The following ADSL variants were observed in gnomAD, a reference collection of about 807,000 sequenced individuals.
ADSL encodes adenylosuccinase.
ADSL carries 44 observed loss-of-function variants against 62.1 expected under a neutral mutation model. The ratio of observed to expected loss-of-function variants is 0.71; its 90% CI spans 0.56 to 0.91. The LOEUF (loss-of-function observed/expected upper bound fraction) is 0.91. Ranked by LOEUF, ADSL falls within the 40% of genes least tolerant of loss-of-function variation. The pLI is 0.00. For synonymous variants in ADSL, 198 were observed against 220.5 expected (o/e 0.90, Z 0.90); for missense variants, 531 against 627.4 (o/e 0.85, Z 1.64).
intron 3 of ADSL, chr22:40,353,384 C>T (rs749503553): frequency 2.8e-6 from 2 of 702,490 alleles, no homozygotes; most frequent in South Asian, 3.0e-5. Flanking sequence ...CCTCCGCCTC[C>T]CAGGCTCAGA....
chr22:40,374,187 C>T (rs1029447954), downstream of ADSL, among the ~76,000 whole-genome samples: 1 of 151,994 alleles, frequency 6.6e-6, no homozygotes, highest in East Asian at 1.9e-4. Context: ...GATCTGACCT[C>T]GTGATCCGCC....
chr22:40,354,176 A>G (rs1601565493), intron 3 of ADSL, 72 bp from the exon 4 acceptor site: 2 of 1,274,022 alleles, frequency 1.6e-6, no homozygotes, highest in East Asian at 4.6e-5. Context: ...ATTATCTGAA[A>G]GTTTTGTTCC....
intron 12 of ADSL, 127 bp downstream of exon 12, chr22:40,365,183 C>T: frequency 9.6e-7 from 1 of 1,039,806 alleles, no homozygotes; most frequent in African/African-American, 1.6e-5. Context: ...AGGTTGCTGG[C>T]TAAAACTTAG....
At position 40,349,951 on chromosome 22, in the gene ADSL, C is replaced by A. The variant is rs148303726; in HGVS notation, c.273C>A (p.His91Gln). Reference protein sequence around the residue: ...EKRLRHDVMAHVHTFGHCCPK... With the variant: ...EKRLRHDVMAQVHTFGHCCPK... Reference sequence around the variant, plus strand: ...GTTTACGACATGATGTGATGGCTCACGTGCACACATTTGGCCACTGCTGTC... The same window carrying A: ...GTTTACGACATGATGTGATGGCTCAAGTGCACACATTTGGCCACTGCTGTC... The change falls in exon 2 of 13, where the codon CAC (histidine) becomes CAA (glutamine). Residue 91 changes from histidine to glutamine, a missense_variant. His to Gln is a conservative substitution (Grantham distance 24). Coordinates refer to ENST00000623063, the MANE Select transcript of ADSL (RefSeq NM_000026.4). The A allele has an allele frequency of 6.2e-7, 1 of 1,614,002 alleles. No individual in the cohort carries two copies. Among genetic ancestry groups the A allele is most frequent in the Non-Finnish European group, 8.5e-7 (1 of 1,180,026 alleles).
At chr22:40,385,950 C>G (rs2048349951) in intron 2 of ADSL, among the ~76,000 whole-genome samples, 1 of 152,092 alleles carries the variant, frequency 6.6e-6, no homozygotes, top group Admixed American at 6.5e-5. Context: ...CTCCCGGGCC[C>G]AGGCGATTCT....
intron 2 of ADSL, among the ~76,000 whole-genome samples, chr22:40,377,131 C>T (rs999198409): frequency 1.3e-5 from 2 of 152,226 alleles, no homozygotes; most frequent in African/African-American, 4.8e-5. Context: ...GCCTGTCCAG[C>T]ATCCAATCCA....
At chr22:40,353,451 C>A in intron 3 of ADSL, 1 of 699,898 alleles carries the variant, frequency 1.4e-6, no homozygotes, top group Admixed American at 2.0e-5. Flanking sequence ...TGCCACCTCA[C>A]CTGGCTAATT....
rs1294082345 is a variant in ADSL at position 40,363,762 on chromosome 22, A to G, written c.1102-514A>G. On this transcript the variant is annotated intron_variant, in intron 10 of 12. Transcript: ENST00000623063. ...AAAAAAAAAAAAAAAACCTCTTCCTATGTGGCAACTTTTTTTAAGTTAATA... is the reference window on the plus strand; with the variant it reads ...AAAAAAAAAAAAAAAACCTCTTCCTGTGTGGCAACTTTTTTTAAGTTAATA... 2.0e-5 allele frequency among the ~76,000 whole-genome samples: 3 copies of G among 151,008 alleles called. 1 individual carries two copies. The highest frequency in any genetic ancestry group is 4.2e-4 in the South Asian group (2 of 4,782).
At chr22:40,374,317 C>G (rs1015025435), downstream of ADSL, among the ~76,000 whole-genome samples, 1 of 152,200 alleles carries the variant, frequency 6.6e-6, no homozygotes, top group African/African-American at 2.4e-5. Context: ...TGTCACTGGA[C>G]TGCCACCAGA....
chr22:40,372,111 G>GT (rs1330724842), downstream of ADSL, among the ~76,000 whole-genome samples: 1 of 117,674 alleles, frequency 8.5e-6, no homozygotes, highest in Non-Finnish European at 1.7e-5. Flanking sequence ...TCTTCTCCCT[G>GT]TCCCCCCCCC....
At chr22:40,348,498 C>G (rs1353517032) in intron 1 of ADSL, 3 of 398,552 alleles carry the variant, frequency 7.5e-6, no homozygotes, top group Admixed American at 4.4e-5. Flanking sequence ...GTCCTCTCAC[C>G]TCAGCCTCCC....
chr22:40,366,118 G>A (rs1459581785), intron 12 of ADSL, among the ~76,000 whole-genome samples: 1 of 152,040 alleles, frequency 6.6e-6, no homozygotes, highest in Non-Finnish European at 1.5e-5. Context: ...TAAGCTCTTG[G>A]TGGCTACTTG....
chr22:40,370,063 G>GGCGC (rs1388246629), downstream of ADSL, among the ~76,000 whole-genome samples: 1 of 152,188 alleles, frequency 6.6e-6, no homozygotes, highest in Non-Finnish European at 1.5e-5. Context: ...TTTCCGGCCT[G>GGCGC]GCGCGGTGGC....
chr22:40,380,381 T>TC (rs59027234), intron 2 of ADSL, among the ~76,000 whole-genome samples: 1 of 151,240 alleles, frequency 6.6e-6, no homozygotes, highest in Non-Finnish European at 1.5e-5. Flanking sequence ...TTTTTTTTTT[T>TC]CCTGAGACAG....
At chr22:40,358,409 C>G (rs373128640) in intron 4 of ADSL, among the ~76,000 whole-genome samples, 17 of 152,108 alleles carry the variant, frequency 1.1e-4, no homozygotes, top group African/African-American at 3.6e-4. Context: ...CAAAGTGAGA[C>G]CCCGTCACTA....
rs537004442 is a variant in ADSL, at chr22:40,383,136, T to C, written c.90-7094T>C. The stretch of plus-strand genomic sequence containing the variant: ...TTCAGCCCTTGAAGAGCTTTCAGTT[T>C]ATAGATAAGGCACCTACACTAGTAA... On this transcript the variant is annotated intron_variant, in intron 2 of 2. Coordinates refer to the ADSL transcript ENST00000498234. 6.3e-4 allele frequency among the ~76,000 whole-genome samples: 96 copies of C among 152,242 alleles called. 1 individual carries two copies. In the South Asian group the frequency reaches 0.013, roughly 20 times the overall value.
At position 40,367,588 on chromosome 22, in the gene ADSL, C is replaced by G. The variant is rs1410855317; in HGVS notation, c.*1066C>G. 1 of 167,360 alleles carries G rather than the reference C, an allele frequency of 6.0e-6. No homozygotes were observed. Among genetic ancestry groups the G allele is most frequent in the Non-Finnish European group, 1.5e-5 (1 of 68,182 alleles). 10.4% of individuals were successfully genotyped at this position (167,360 alleles called of 1,614,324 possible). A position where few individuals can be genotyped will look rare whatever the true frequency, so the allele number is the denominator to read the frequency against. On this transcript the variant is annotated 3_prime_UTR_variant, in exon 13 of 13. Transcript: ENST00000623063. ...GTCTTCCAGCTTCTGCCACTGCGCC[C>G]GACTTCCTTGTTGCATGGATTTATA... is the stretch of plus-strand genomic sequence containing the variant.
intron 4 of ADSL, among the ~76,000 whole-genome samples, chr22:40,357,007 C>T (rs1170285836): frequency 6.6e-6 from 1 of 151,930 alleles, no homozygotes; most frequent in African/African-American, 2.4e-5. Context: ...GTGATTCTCC[C>T]ACCTCAGCCT....
At position 40,346,607 on chromosome 22, in the gene ADSL, C is replaced by G; in HGVS notation, c.49C>G (p.Leu17Val). The change falls in exon 1 of 13, where the codon CTT becomes GTT. Residue 17 changes from leucine (L) to valine (V), a missense_variant. Leu to Val is a conservative substitution (Grantham distance 32). Around this residue, in one of 2 missense-constraint regions of ADSL, gnomAD observed 60 missense variants for 34.5 expected, o/e 1.74. Transcript: ENST00000623063. Reference sequence around the variant, plus strand: ...TTCGCCCGACAGCTACCGCTCACCTCTTGCCTCCCGCTATGCCAGCCCGGA... The same window carrying G: ...TTCGCCCGACAGCTACCGCTCACCTGTTGCCTCCCGCTATGCCAGCCCGGA... ...HGSPDSYRSPLASRYASPEMC... is the reference protein window; with the variant it reads ...HGSPDSYRSPVASRYASPEMC... 1 of 1,609,116 alleles carries G rather than the reference C, an allele frequency of 6.2e-7. No individual in the cohort carries two copies. Among genetic ancestry groups the G allele is most frequent in the Non-Finnish European group, 8.5e-7 (1 of 1,178,094 alleles).
Sources: allele counts gnomAD v4.1 joint callset (sites outside exome capture counted in the v4.1 genomes callset), GRCh38; gene constraint gnomAD v4.1.1; regional missense constraint gnomAD v4.1.1; transcripts MANE v1.5; gene names NCBI Gene and HGNC (gene_info 2026-07-23, HGNC 2026-07-21).